Variants in CAMTA1 observed in about 807,000 individuals in gnomAD.
The protein encoded by CAMTA1 is calmodulin binding transcription activator 1.
In CAMTA1, 27 loss-of-function variants were observed where a neutral mutation model predicts 170.9. The ratio of observed to expected loss-of-function variants is 0.16; its 90% CI spans 0.12 to 0.22. The LOEUF (loss-of-function observed/expected upper bound fraction) is 0.22. Among genes scored for constraint, CAMTA1 ranks in the 10% least tolerant of loss-of-function variants. The probability of loss-of-function intolerance (pLI) is 1.00; values close to 1 mark genes in which losing one functional copy is unlikely to be tolerated. For missense variants in CAMTA1, 1,619 were observed against 2,217.2 expected (o/e 0.73, Z 5.42); for synonymous variants, 833 against 891.5 (o/e 0.93, Z 1.17).
chr1:6,884,289 G>GACACACAC (rs1320065318), intron 3 of CAMTA1, among the ~76,000 whole-genome samples: 1 of 84,106 alleles, frequency 1.2e-5, no homozygotes, highest in Non-Finnish European at 2.5e-5. Flanking sequence ...TTATTCTCTA[G>GACACACAC]AGACACACAC....
chr1:6,821,622 G>A (rs1278333985), intron 2 of CAMTA1, among the ~76,000 whole-genome samples: 1 of 152,094 alleles, frequency 6.6e-6, no homozygotes, highest in Non-Finnish European at 1.5e-5. Flanking sequence ...ATGAATAACA[G>A]TGTTCATCAT....
intron 5 of CAMTA1, among the ~76,000 whole-genome samples, chr1:7,400,194 G>T (rs1478476667): frequency 6.6e-6 from 1 of 151,900 alleles, no homozygotes; most frequent in Non-Finnish European, 1.5e-5. Flanking sequence ...TGTACTGTGG[G>T]TTATTTCAAA....
At position 6,841,123 on chromosome 1, in the gene CAMTA1, G is replaced by A. The variant is rs146374735; in HGVS notation, c.234+15913G>A. ...CTCCTTCATCCTTGATGCCAGCGAC[G>A]TAGAGTCTTTGTGACCCTGCTCTCT... On this transcript the variant is annotated intron_variant, in intron 3 of 22. Transcript: ENST00000303635. 5.3e-5 allele frequency among the ~76,000 whole-genome samples: 8 copies of A among 152,272 alleles called. No homozygotes were observed. The East Asian group carries it at 1.5e-3, about 29-fold the overall frequency.
intron 5 of CAMTA1, among the ~76,000 whole-genome samples, chr1:7,255,134 T>A (rs1667174236): frequency 6.6e-6 from 1 of 152,086 alleles, no homozygotes; most frequent in South Asian, 2.1e-4. Context: ...CCTGGGCCTG[T>A]CAGGGAGTCG....
Position 7,173,767 on chromosome 1 carries a change from G to A in CAMTA1, c.303-75724G>A, listed in dbSNP as rs1650171276. 6.6e-6 allele frequency among the ~76,000 whole-genome samples: 1 copy of A among 151,872 alleles called. No homozygotes were observed. Among genetic ancestry groups the A allele is most frequent in the African/African-American group, 2.4e-5 (1 of 41,308 alleles). On this transcript the variant is annotated intron_variant, in intron 4 of 22. Coordinates refer to ENST00000303635, the MANE Select transcript of CAMTA1 (RefSeq NM_015215.4). The surrounding 1 kb of genome is among the most constrained non-coding windows in gnomAD (Gnocchi z 5.4). ...CTGGCTTGACTGGGGGTTGGGAGGT[G>A]CAAGGAGGAAGGTGACAGTTGACTT...
At chr1:7,298,488 C>T (rs1351271282) in intron 5 of CAMTA1, among the ~76,000 whole-genome samples, 1 of 152,100 alleles carries the variant, frequency 6.6e-6, no homozygotes, top group Non-Finnish European at 1.5e-5. Flanking sequence ...CCTGACCTGC[C>T]ACATGCAGCC....
intron 4 of CAMTA1, among the ~76,000 whole-genome samples, chr1:7,180,644 G>T (rs1573699311): frequency 6.7e-6 from 1 of 150,012 alleles, no homozygotes; most frequent in African/African-American, 2.5e-5. Context: ...CTCTCAAGTA[G>T]TTGGGAATAC....
In CAMTA1 at chr1:7,633,990, C is replaced by G; in HGVS notation, c.511-6410C>G. Among the ~76,000 whole-genome samples, 1 of 152,264 alleles carries G rather than the reference C, an allele frequency of 6.6e-6. No homozygotes were observed. Among genetic ancestry groups the G allele is most frequent in the South Asian group, 2.1e-4 (1 of 4,830 alleles). On this transcript the variant is annotated intron_variant, in intron 6 of 22. Coordinates refer to ENST00000303635, the MANE Select transcript of CAMTA1 (RefSeq NM_015215.4). The surrounding 1 kb of genome is among the most constrained non-coding windows in gnomAD (Gnocchi z 4.1). ...GCGGCAGATCTGGGGAATGGGGTGG[C>G]GGGAGCCAGGTGCATGAGGCAGGCA...
intron 3 of CAMTA1, among the ~76,000 whole-genome samples, chr1:6,866,891 T>C (rs1666745153): frequency 6.6e-6 from 1 of 152,240 alleles, no homozygotes; most frequent in Non-Finnish European, 1.5e-5. Context: ...AGGATTCTTT[T>C]ATTGTCTCAT....
chr1:7,584,183 G>A (rs149487486), intron 6 of CAMTA1, among the ~76,000 whole-genome samples: 3 of 152,074 alleles, frequency 2.0e-5, no homozygotes, highest in Non-Finnish European at 2.9e-5. Flanking sequence ...TTCCAGGGGC[G>A]CCATGACTGT....
At position 7,248,229 on chromosome 1, in the gene CAMTA1, T is replaced by C. The variant is rs1191518231; in HGVS notation, c.303-1262T>C. Among the ~76,000 whole-genome samples the C allele has an allele frequency of 1.3e-5, 2 of 152,162 alleles. No individual in the cohort carries two copies. The highest frequency in any genetic ancestry group is 2.9e-5 in the Non-Finnish European group (2 of 68,024). On this transcript the variant is annotated intron_variant, in intron 4 of 22. Coordinates refer to ENST00000303635, the MANE Select transcript of CAMTA1 (RefSeq NM_015215.4). This position sits in a 1 kb window ranked among gnomAD's most constrained non-coding sequence, Gnocchi z 4.0. ...TGCTTGTGAAATGGCCCATTGTTCGTAGCAAGAAGAAAAGAAAGGCGCTGG... is the reference window on the plus strand; with the variant it reads ...TGCTTGTGAAATGGCCCATTGTTCGCAGCAAGAAGAAAAGAAAGGCGCTGG...
intron 11 of CAMTA1, among the ~76,000 whole-genome samples, chr1:7,710,986 A>G (rs1289687039): frequency 1.3e-5 from 2 of 152,178 alleles, no homozygotes; most frequent in Admixed American, 6.5e-5. Flanking sequence ...CCCTGGAGCC[A>G]AGAATTGGGC....
intron 7 of CAMTA1, among the ~76,000 whole-genome samples, chr1:7,652,301 T>C (rs1399054720): frequency 1.3e-5 from 2 of 152,162 alleles, no homozygotes; most frequent in East Asian, 1.9e-4. Flanking sequence ...TCCCAGGTTT[T>C]CTTCCCCCTT....
At chr1:7,761,834 C>T (rs1332846142) in intron 22 of CAMTA1, among the ~76,000 whole-genome samples, 1 of 151,694 alleles carries the variant, frequency 6.6e-6, no homozygotes. Context: ...TAGTAACAGA[C>T]AGATAGAAAA....
At chr1:7,593,402 A>T (rs757875812) in intron 6 of CAMTA1, among the ~76,000 whole-genome samples, 1 of 151,986 alleles carries the variant, frequency 6.6e-6, no homozygotes, top group African/African-American at 2.4e-5. Context: ...GCGTATCTAG[A>T]TACACATAAG....
intron 3 of CAMTA1, among the ~76,000 whole-genome samples, chr1:6,872,348 C>T (rs142364234): frequency 6.6e-6 from 1 of 152,258 alleles, no homozygotes; most frequent in African/African-American, 2.4e-5. Flanking sequence ...CCACATTATA[C>T]ATCTTCAGAT....
chr1:6,906,427 C>A (rs143366419), intron 3 of CAMTA1, among the ~76,000 whole-genome samples: 1 of 152,144 alleles, frequency 6.6e-6, no homozygotes, highest in Non-Finnish European at 1.5e-5. Flanking sequence ...TGGCCCTTCT[C>A]CCAGCCTTAA....
chr1:7,175,889 G>A (rs1650704787), intron 4 of CAMTA1, among the ~76,000 whole-genome samples: 1 of 152,246 alleles, frequency 6.6e-6, no homozygotes, highest in South Asian at 2.1e-4. Flanking sequence ...GATTTACACT[G>A]TGACTTCACA....
At chr1:6,822,925 C>T (rs925181536) in intron 2 of CAMTA1, among the ~76,000 whole-genome samples, 1 of 151,974 alleles carries the variant, frequency 6.6e-6, no homozygotes, top group Non-Finnish European at 1.5e-5. Context: ...TGATCACAAA[C>T]ATAGAAGCTG....
Sources: allele counts gnomAD v4.1 joint callset (sites outside exome capture counted in the v4.1 genomes callset), GRCh38; gene constraint gnomAD v4.1.1; non-coding constraint Gnocchi (gnomAD v3.1); transcripts MANE v1.5; gene names NCBI Gene and HGNC (gene_info 2026-07-23, HGNC 2026-07-21).